The following PALM2AKAP2 variants were observed in gnomAD, a reference collection of about 807,000 sequenced individuals.
PALM2AKAP2 encodes PALM2-AKAP2 fusion protein.
In PALM2AKAP2, 37 loss-of-function variants were observed where a neutral mutation model predicts 71.5. The ratio of observed to expected loss-of-function variants is 0.52; its 90% CI spans 0.40 to 0.68. The LOEUF is 0.68. Ranked by LOEUF, PALM2AKAP2 falls within the 30% of genes least tolerant of loss-of-function variation. The pLI is 0.00. For missense variants in PALM2AKAP2, 1,224 were observed against 1,191.8 expected, an observed-to-expected ratio of 1.03 and a Z score of -0.40; for synonymous variants, 468 against 478.8, an observed-to-expected ratio of 0.98 and a Z score of 0.29.
At chr9:110,092,358 A>T (rs1834734292) in intron 1 of PALM2AKAP2, among the ~76,000 whole-genome samples, 1 of 152,156 alleles carries the variant, frequency 6.6e-6, no homozygotes. Context: ...GATCTGATTG[A>T]CTTATCCTTT....
chr9:109,948,774 A>C (rs1047101867), intron 6 of PALM2AKAP2, among the ~76,000 whole-genome samples: 16 of 152,264 alleles, frequency 1.1e-4, no homozygotes, highest in Non-Finnish European at 2.9e-5. Flanking sequence ...AAATACAGAA[A>C]GAAAAGAATT....
exon 4 of PALM2AKAP2, chr9:110,169,415 A>G (rs148005360): frequency 6.6e-6 from 1 of 152,132 alleles, no homozygotes; most frequent in Non-Finnish European, 1.5e-5. Context: ...AGCGGCAATA[A>G]TTGAAAAAAA....
intron 6 of PALM2AKAP2, among the ~76,000 whole-genome samples, chr9:109,983,690 C>T (rs1351484654): frequency 1.3e-5 from 2 of 151,926 alleles, no homozygotes; most frequent in Non-Finnish European, 2.9e-5. Flanking sequence ...CATGGCAAAA[C>T]CCCATCTCTA....
chr9:109,691,863 TATATAC>T (rs1159156656), intron 1 of PALM2AKAP2, among the ~76,000 whole-genome samples: 587 of 43,714 alleles, frequency 0.013, 26 homozygotes, highest in Admixed American at 0.088. Context: ...TATATATATA[TATATAC>T]ACACACACAC....
intron 1 of PALM2AKAP2, among the ~76,000 whole-genome samples, chr9:109,663,694 C>T (rs979348671): frequency 6.6e-6 from 1 of 152,132 alleles, no homozygotes; most frequent in African/African-American, 2.4e-5. Flanking sequence ...CTGTAGATGT[C>T]TATTAGGTCT....
intron 1 of PALM2AKAP2, among the ~76,000 whole-genome samples, chr9:109,709,745 C>T (rs144082468): frequency 3.0e-4 from 46 of 152,256 alleles, no homozygotes; most frequent in Admixed American, 2.7e-3. Flanking sequence ...GAGACCAGGG[C>T]TTCATTGGCT....
At chr9:109,914,629 T>C (rs1463279068) in intron 3 of PALM2AKAP2, among the ~76,000 whole-genome samples, 1 of 152,204 alleles carries the variant, frequency 6.6e-6, no homozygotes, top group Non-Finnish European at 1.5e-5. Context: ...AAACTGCAGT[T>C]CCAGAGAAGA....
At chr9:109,760,696 AC>A (rs1829037081) in intron 1 of PALM2AKAP2, 1 of 152,180 alleles carries the variant, frequency 6.6e-6, no homozygotes, top group African/African-American at 2.4e-5. Flanking sequence ...ACCATTGTAA[AC>A]CCAGAAACTA....
At chr9:109,822,210 A>G (rs1260109653) in intron 1 of PALM2AKAP2, among the ~76,000 whole-genome samples, 1 of 152,196 alleles carries the variant, frequency 6.6e-6, no homozygotes, top group African/African-American at 2.4e-5. Flanking sequence ...GAAAGCGTCA[A>G]AAAGTCACTA....
At chr9:110,024,808 A>C in intron 7 of PALM2AKAP2, 2 of 654,712 alleles carry the variant, frequency 3.1e-6, no homozygotes, top group Non-Finnish European at 2.7e-6. Flanking sequence ...AAGATATGCC[A>C]GTGTCTTGGG....
intron 6 of PALM2AKAP2, among the ~76,000 whole-genome samples, chr9:109,985,325 G>A (rs1475269419): frequency 6.6e-6 from 1 of 152,070 alleles, no homozygotes; most frequent in Non-Finnish European, 1.5e-5. Context: ...TTTCCCCAAT[G>A]TGAAATATGC....
intron 1 of PALM2AKAP2, among the ~76,000 whole-genome samples, chr9:109,684,477 C>CG (rs1564112090): frequency 6.6e-5 from 10 of 152,150 alleles, no homozygotes; most frequent in Non-Finnish European, 1.2e-4. Context: ...TGAGAAACTG[C>CG]AGGGGGCAGG....
chr9:109,685,148 C>G (rs1456882614), intron 1 of PALM2AKAP2, among the ~76,000 whole-genome samples: 1 of 151,964 alleles, frequency 6.6e-6, no homozygotes, highest in Non-Finnish European at 1.5e-5. Context: ...AAGGGGTGGT[C>G]ATAGGAATGG....
intron 6 of PALM2AKAP2, among the ~76,000 whole-genome samples, chr9:110,012,421 A>T (rs997489909): frequency 1.3e-5 from 2 of 152,014 alleles, no homozygotes; most frequent in African/African-American, 4.8e-5. Context: ...CTTCCTTCTT[A>T]TCTTCCTTCT....
rs1300651914 is a variant in PALM2AKAP2, at chr9:110,015,317, G to A, written c.497-637G>A. Among the ~76,000 whole-genome samples, 7 of 152,154 alleles carry A rather than the reference G, an allele frequency of 4.6e-5. No individual in the cohort carries two copies. The South Asian group carries it at 1.5e-3, about 32-fold the overall frequency. ...CTGGAGAAGAAGAAGAGTTCGTGGAGAAGAACAGAAGGGTGGCTTACACCT... is the reference window on the plus strand; with the variant it reads ...CTGGAGAAGAAGAAGAGTTCGTGGAAAAGAACAGAAGGGTGGCTTACACCT... On this transcript the variant is annotated intron_variant, in intron 6 of 9. Coordinates refer to the PALM2AKAP2 transcript ENST00000302798.
intron 1 of PALM2AKAP2, among the ~76,000 whole-genome samples, chr9:109,829,331 A>G (rs1441812544): frequency 1.3e-5 from 2 of 152,128 alleles, no homozygotes; most frequent in Admixed American, 6.5e-5. Context: ...TGTTATATCC[A>G]TAGCATTTAG....
intron 1 of PALM2AKAP2, among the ~76,000 whole-genome samples, chr9:110,091,684 G>T (rs546277471): frequency 2.0e-5 from 3 of 151,960 alleles, no homozygotes; most frequent in Admixed American, 1.3e-4. Flanking sequence ...GGATGGTCTT[G>T]ATCTCCTGAC....
rs1445592119 is a variant in PALM2AKAP2 at position 110,142,068 on chromosome 9, C to CA, written c.2569+3529_2569+3530insA. On this transcript the variant is annotated intron_variant, in intron 2 of 3. Transcript: ENST00000374525. Reference sequence around the variant, plus strand: ...AATTATCTTGTTGGTTCTTATTTTACTTTTTTTTTTTTTTTTTTTTTGAGG... The same window carrying CA: ...AATTATCTTGTTGGTTCTTATTTTACATTTTTTTTTTTTTTTTTTTTTGAGG... 3.4e-4 allele frequency among the ~76,000 whole-genome samples: 42 copies of CA among 121,854 alleles called. 1 individual carries two copies. Among genetic ancestry groups the CA allele is most frequent in the African/African-American group, 1.2e-3 (40 of 33,224 alleles). The allele number at this position is 121,854 out of a possible 152,430, so 79.9% of individuals were successfully genotyped here.
intron 3 of PALM2AKAP2, among the ~76,000 whole-genome samples, chr9:109,893,160 T>C (rs1014025140): frequency 6.6e-6 from 1 of 152,156 alleles, no homozygotes; most frequent in African/African-American, 2.4e-5. Context: ...CAGTGGCCAC[T>C]GCCTTACAAG....
Sources: gnomAD v4.1 joint callset for allele counts (sites outside exome capture counted in the v4.1 genomes callset) on GRCh38, gnomAD v4.1.1 for gene constraint, MANE v1.5 for transcripts, NCBI Gene and HGNC (gene_info 2026-07-23, HGNC 2026-07-21) for gene names.